PTPRD: variants seen among roughly 807,000 people sequenced by gnomAD.
PTPRD encodes the protein receptor-type tyrosine-protein phosphatase delta.
PTPRD carries 34 observed loss-of-function variants against 214.5 expected under a neutral mutation model. That is an observed-to-expected ratio of 0.16 (90% CI 0.12 to 0.21). The LOEUF (loss-of-function observed/expected upper bound fraction) is 0.21, where lower values mean the gene tolerates loss of function less well. Ranked by LOEUF, PTPRD falls within the 10% of genes least tolerant of loss-of-function variation. PTPRD has a pLI of 1.00. For synonymous variants in PTPRD, 1,128 were observed against 845.7 expected, an observed-to-expected ratio of 1.33 and a Z score of -5.79; for missense variants, 2,545 against 2,398.7, an observed-to-expected ratio of 1.06 and a Z score of -1.27.
chr9:8,426,456 C>CT (rs1009347296), intron 35 of PTPRD, among the ~76,000 whole-genome samples: 7 of 152,286 alleles, frequency 4.6e-5, no homozygotes, highest in South Asian at 4.1e-4. Context: ...TAAAGAGTGT[C>CT]TTTTTTCAGT....
chr9:9,195,101 T>TAC, intron 9 of PTPRD, among the ~76,000 whole-genome samples: 1 of 142,684 alleles, frequency 7.0e-6, no homozygotes, highest in African/African-American at 2.5e-5. Context: ...TATATATATA[T>TAC]ATATATACAC....
chr9:9,421,902 C>G (rs1436754875), intron 8 of PTPRD, among the ~76,000 whole-genome samples: 1 of 151,340 alleles, frequency 6.6e-6, no homozygotes, highest in Non-Finnish European at 1.5e-5. Flanking sequence ...AAAGTCTGAT[C>G]CAGATTGATG....
chr9:9,954,642 A>G (rs550147268), intron 4 of PTPRD, among the ~76,000 whole-genome samples: 1 of 152,096 alleles, frequency 6.6e-6, no homozygotes, highest in Non-Finnish European at 1.5e-5. Flanking sequence ...TTAGAATACT[A>G]TAATAGGTAC....
intron 4 of PTPRD, among the ~76,000 whole-genome samples, chr9:9,978,003 A>T (rs949570636): frequency 1.3e-5 from 2 of 152,156 alleles, no homozygotes; most frequent in Admixed American, 6.5e-5. Flanking sequence ...TTCCAATCAA[A>T]CAATGAAAAA....
intron 43 of PTPRD, among the ~76,000 whole-genome samples, chr9:8,333,205 T>C (rs913443337): frequency 6.6e-6 from 1 of 152,196 alleles, no homozygotes; most frequent in Non-Finnish European, 1.5e-5. Context: ...AAGCATGATT[T>C]ACTTCCCTCT....
chr9:9,348,382 G>A (rs759296571), intron 9 of PTPRD, among the ~76,000 whole-genome samples: 11 of 152,122 alleles, frequency 7.2e-5, no homozygotes, highest in Middle Eastern at 6.8e-3. Flanking sequence ...AAATGCCTAC[G>A]CATTTATCTT....
chr9:9,355,457 T>C (rs144816598), intron 9 of PTPRD, among the ~76,000 whole-genome samples: 1 of 151,796 alleles, frequency 6.6e-6, no homozygotes, highest in African/African-American at 2.4e-5. Context: ...TATTGGAATG[T>C]CATGAATAAG....
chr9:9,214,640 G>A (rs2099950958), intron 9 of PTPRD, among the ~76,000 whole-genome samples: 4 of 151,974 alleles, frequency 2.6e-5, no homozygotes, highest in South Asian at 2.1e-4. Context: ...TGACTTTTTT[G>A]TACACATTTG....
At chr9:8,830,850 C>T (rs1020437968) in intron 11 of PTPRD, among the ~76,000 whole-genome samples, 2 of 152,068 alleles carry the variant, frequency 1.3e-5, no homozygotes, top group African/African-American at 4.8e-5. Context: ...AGAGTGTAAA[C>T]TGTTGCCTCA....
At chr9:9,030,332 A>ATTTTTTTTTTTTT (rs1554648759) in intron 10 of PTPRD, among the ~76,000 whole-genome samples, 2 of 96,436 alleles carry the variant, frequency 2.1e-5, no homozygotes, top group African/African-American at 9.4e-5. Flanking sequence ...TTCTTTTCTC[A>ATTTTTTTTTTTTT]TTCACTAGTA....
At chr9:8,789,645 A>T (rs1189902464) in intron 11 of PTPRD, among the ~76,000 whole-genome samples, 5 of 152,092 alleles carry the variant, frequency 3.3e-5, no homozygotes, top group African/African-American at 4.8e-5. Context: ...GCAATTTTTT[A>T]AACTGCTAGT....
At chr9:10,480,121 A>AAAGC (rs2099088502) in intron 2 of PTPRD, among the ~76,000 whole-genome samples, 1 of 151,466 alleles carries the variant, frequency 6.6e-6, no homozygotes, top group African/African-American at 2.4e-5. Flanking sequence ...GAGAAAACAA[A>AAAGC]AAACAAACAA....
intron 11 of PTPRD, among the ~76,000 whole-genome samples, chr9:9,014,456 A>G (rs2099525904): frequency 6.6e-6 from 1 of 152,158 alleles, no homozygotes; most frequent in African/African-American, 2.4e-5. Flanking sequence ...ATTCAGTTTT[A>G]TAAAAGTGTT....
At chr9:9,457,445 T>A (rs1197240346) in intron 8 of PTPRD, among the ~76,000 whole-genome samples, 3 of 151,948 alleles carry the variant, frequency 2.0e-5, no homozygotes, top group Non-Finnish European at 4.4e-5. Context: ...AAAATATAAT[T>A]CTGTGTTCTA....
At chr9:10,204,333 T>C (rs958816846) in intron 3 of PTPRD, among the ~76,000 whole-genome samples, 1 of 152,180 alleles carries the variant, frequency 6.6e-6, no homozygotes, top group South Asian at 2.1e-4. Context: ...TTCCACACCA[T>C]GACAGTTTAT....
intron 4 of PTPRD, among the ~76,000 whole-genome samples, chr9:10,014,707 CTT>C (rs2096666422): frequency 6.6e-6 from 1 of 151,952 alleles, no homozygotes; most frequent in African/African-American, 2.4e-5. Context: ...GAGAGAAACA[CTT>C]TGATTTGGAA....
At chr9:9,021,029 T>A (rs931877044) in intron 10 of PTPRD, among the ~76,000 whole-genome samples, 1 of 152,190 alleles carries the variant, frequency 6.6e-6, no homozygotes, top group African/African-American at 2.4e-5. Context: ...ACATAATATT[T>A]TAGCAATTAA....
chr9:8,521,776 C>T (rs1406815846), intron 19 of PTPRD, among the ~76,000 whole-genome samples: 1 of 152,090 alleles, frequency 6.6e-6, no homozygotes, highest in Non-Finnish European at 1.5e-5. Flanking sequence ...CACACTAATA[C>T]AAAAGTTGAT....
At position 9,652,178 on chromosome 9, in the gene PTPRD, C is replaced by T. The variant is rs1234921528; in HGVS notation, c.-286-77397G>A. On this transcript the variant is annotated intron_variant, in intron 7 of 45. Transcript: ENST00000381196. ...TAATTGTACTTTCTCAAAGTCATGC[C>T]TCAAAGCCTTTCTGCTCTATTACCA... 2.0e-5 allele frequency among the ~76,000 whole-genome samples: 3 copies of T among 152,136 alleles called. No individual in the cohort carries two copies. The East Asian group carries it at 5.8e-4, about 29-fold the overall frequency.
Sources: allele counts gnomAD v4.1 joint callset (sites outside exome capture counted in the v4.1 genomes callset), GRCh38; gene constraint gnomAD v4.1.1; transcripts MANE v1.5; gene names NCBI Gene and HGNC (gene_info 2026-07-23, HGNC 2026-07-21).